The following LUC7L3 variants were observed in gnomAD, a reference collection of about 807,000 sequenced individuals.
LUC7L3 encodes the protein LUC7 like 3 pre-mRNA splicing factor, also known as luc7-like protein 3.
A neutral mutation model predicts 66.8 loss-of-function variants in LUC7L3; 6 were observed. The ratio of observed to expected loss-of-function variants is 0.09; its 90% confidence interval spans 0.05 to 0.18. LUC7L3 has a LOEUF of 0.18. Among genes scored for constraint, LUC7L3 ranks in the 10% least tolerant of loss-of-function variants. LUC7L3 has a pLI of 1.00. For missense variants in LUC7L3, 341 were observed against 531.1 expected, an observed-to-expected ratio of 0.64 and a Z score of 3.52; for synonymous variants, 160 against 174.7, an observed-to-expected ratio of 0.92 and a Z score of 0.66.
chr17:50,751,812 A>C lies in LUC7L3; in HGVS notation c.*1151A>C. On this transcript the variant is annotated 3_prime_UTR_variant, in exon 10 of 10. Transcript: ENST00000505658. ...TGTGAAATCAAAGAACTGATGCACTATATAGAACGAATTTGGGTTTTTAAA... is the reference window on the plus strand; with the variant it reads ...TGTGAAATCAAAGAACTGATGCACTCTATAGAACGAATTTGGGTTTTTAAA... 9.8e-7 allele frequency: 1 copy of C among 1,018,854 alleles called. No individual in the cohort carries two copies. The highest frequency in any genetic ancestry group is 1.2e-6 in the Non-Finnish European group (1 of 849,862). 63.1% of individuals were successfully genotyped at this position (1,018,854 alleles called of 1,614,324 possible).
intron 1 of LUC7L3, among the ~76,000 whole-genome samples, chr17:50,729,896 T>TATA (rs1969451113): frequency 3.0e-5 from 2 of 65,586 alleles, no homozygotes; most frequent in African/African-American, 1.3e-4. Context: ...TATAAATACA[T>TATA]TATATATATA....
chr17:50,723,744 T>A (rs1968959809), intron 1 of LUC7L3: 2 of 298,270 alleles, frequency 6.7e-6, no homozygotes, highest in South Asian at 4.8e-5. Flanking sequence ...AACCTCCACC[T>A]CCTGGCCTCA....
chr17:50,730,680 C>T (rs762406379), intron 1 of LUC7L3, among the ~76,000 whole-genome samples: 11 of 152,080 alleles, frequency 7.2e-5, no homozygotes, highest in South Asian at 6.2e-4. Context: ...GTGGCTCATG[C>T]CTGTAATCCC....
At chr17:50,731,229 T>A (rs1044789097) in intron 1 of LUC7L3, among the ~76,000 whole-genome samples, 1 of 152,170 alleles carries the variant, frequency 6.6e-6, no homozygotes, top group African/African-American at 2.4e-5. Context: ...AGTATAGTGG[T>A]GCGATCTCAG....
chr17:50,734,001 G>A (rs188439616), intron 1 of LUC7L3, among the ~76,000 whole-genome samples: 75 of 152,262 alleles, frequency 4.9e-4, no homozygotes, highest in African/African-American at 1.8e-3. Flanking sequence ...TGAACACAAA[G>A]TTGAACAAAA....
intron 1 of LUC7L3, among the ~76,000 whole-genome samples, chr17:50,730,346 C>T (rs749827486): frequency 6.6e-6 from 1 of 151,516 alleles, no homozygotes; most frequent in African/African-American, 2.4e-5. Flanking sequence ...CATGGTAAAA[C>T]CCCATCTCTA....
At chr17:50,737,077 T>G in intron 2 of LUC7L3, 51 bp downstream of exon 2, 1 of 1,354,316 alleles carries the variant, frequency 7.4e-7, no homozygotes, top group South Asian at 1.3e-5. Context: ...ATTTAAAATG[T>G]TGAATAGGAG....
At chr17:50,743,640 G>T in intron 5 of LUC7L3, 66 bp from the exon 6 acceptor site, 1 of 1,014,110 alleles carries the variant, frequency 9.9e-7, no homozygotes, top group East Asian at 2.4e-5. Context: ...AATGAACCAT[G>T]GGGAAAAAAG....
Position 50,753,695 on chromosome 17 carries a change from G to A in LUC7L3, c.*3034G>A, listed in dbSNP as rs915872885. 5 of 152,156 alleles carry A rather than the reference G, an allele frequency of 3.3e-5. No individual in the cohort carries two copies. The highest frequency in any genetic ancestry group is 1.2e-4 in the African/African-American group (5 of 41,432). The allele number at this position is 152,156 out of a possible 1,614,324, so 9.4% of individuals were successfully genotyped here. A position where few individuals can be genotyped will look rare whatever the true frequency, so the allele number is the denominator to read the frequency against. On this transcript the variant is annotated 3_prime_UTR_variant, in exon 10 of 10. Coordinates refer to ENST00000505658, the MANE Select transcript of LUC7L3 (RefSeq NM_016424.5). ...CTTTGTGTAGTTTGACAGCATTGTG[G>A]TTGTAGCAGCAAAGGACTTAAAGTG...
At chr17:50,722,033 G>T (rs1176289916) in intron 1 of LUC7L3, 2 of 151,610 alleles carry the variant, frequency 1.3e-5, no homozygotes, top group Non-Finnish European at 2.9e-5. Context: ...TAGTATTAAA[G>T]GTAGTCCCTA....
At chr17:50,725,196 G>A (rs370947715) in intron 1 of LUC7L3, among the ~76,000 whole-genome samples, 5 of 152,266 alleles carry the variant, frequency 3.3e-5, no homozygotes, top group Admixed American at 6.5e-5. Context: ...GATCACCTGA[G>A]CTCAGGAGTT....
At chr17:50,739,614 G>A (rs1220336837) in intron 2 of LUC7L3, among the ~76,000 whole-genome samples, 1 of 151,838 alleles carries the variant, frequency 6.6e-6, no homozygotes, top group Non-Finnish European at 1.5e-5. Context: ...AAATTGCGCC[G>A]CTGCACTCCG....
At chr17:50,742,287 A>T (rs992699737) in intron 5 of LUC7L3, among the ~76,000 whole-genome samples, 9 of 152,224 alleles carry the variant, frequency 5.9e-5, no homozygotes, top group African/African-American at 2.2e-4. Flanking sequence ...ATAATATTGC[A>T]CAACCACTTT....
intron 1 of LUC7L3, among the ~76,000 whole-genome samples, chr17:50,728,781 T>A (rs535389007): frequency 6.6e-6 from 1 of 152,252 alleles, no homozygotes; most frequent in Non-Finnish European, 1.5e-5. Context: ...CTCAAACTCC[T>A]GGCTTCAAGT....
At chr17:50,733,286 C>CA (rs1196461778) in intron 1 of LUC7L3, among the ~76,000 whole-genome samples, 3 of 151,244 alleles carry the variant, frequency 2.0e-5, no homozygotes, top group African/African-American at 7.3e-5. Flanking sequence ...CTCTATCACC[C>CA]GGTGGTGCGA....
intron 1 of LUC7L3, 84 bp downstream of exon 1, chr17:50,719,915 C>T: frequency 7.5e-7 from 1 of 1,335,092 alleles, no homozygotes; most frequent in Non-Finnish European, 1.0e-6. Flanking sequence ...GGCCGCGGCG[C>T]GATGTGGCCA....
intron 1 of LUC7L3, among the ~76,000 whole-genome samples, chr17:50,729,900 A>T (rs1278158152): frequency 1.2e-3 from 5 of 4,330 alleles, no homozygotes; most frequent in South Asian, 8.2e-3. Flanking sequence ...AATACATTAT[A>T]TATATATATA....
chr17:50,736,016 C>T (rs1195231388), intron 1 of LUC7L3, among the ~76,000 whole-genome samples: 2 of 152,152 alleles, frequency 1.3e-5, no homozygotes, highest in African/African-American at 4.8e-5. Context: ...ACCTGTAATT[C>T]CAGCTACTTT....
chr17:50,742,040 C>T (rs537599542), intron 5 of LUC7L3, among the ~76,000 whole-genome samples: 4 of 152,270 alleles, frequency 2.6e-5, no homozygotes, highest in Non-Finnish European at 5.9e-5. Flanking sequence ...TGTGCCACTG[C>T]ACTCCAGCTT....
Sources: allele counts gnomAD v4.1 joint callset (sites outside exome capture counted in the v4.1 genomes callset), GRCh38; gene constraint gnomAD v4.1.1; transcripts MANE v1.5; gene names NCBI Gene and HGNC (gene_info 2026-07-23, HGNC 2026-07-21).